The following CPA6 variants were observed in gnomAD, a reference collection of about 807,000 sequenced individuals.
CPA6 encodes carboxypeptidase B.
CPA6 carries 58 observed loss-of-function variants against 63.3 expected under a neutral mutation model. That is an observed-to-expected ratio of 0.92 (90% CI 0.74 to 1.14). CPA6 has a LOEUF of 1.14. CPA6 is among the 50% of genes most tolerant of loss of function. CPA6 has a pLI of 0.00. For missense variants in CPA6, 565 were observed against 526.6 expected (o/e 1.07, Z -0.71); for synonymous variants, 185 against 179.0 (o/e 1.03, Z -0.27).
chr8:67,725,798 C>T (rs929217855), intron 1 of CPA6, among the ~76,000 whole-genome samples: 1 of 152,174 alleles, frequency 6.6e-6, no homozygotes, highest in Non-Finnish European at 1.5e-5. Context: ...CCTGCCTCAG[C>T]CTCCCAAAGT....
At chr8:67,433,904 GAATT>G (rs1810083973) in intron 9 of CPA6, 130 bp downstream of exon 9, 6 of 652,658 alleles carry the variant, frequency 9.2e-6, no homozygotes, top group African/African-American at 7.3e-5. Flanking sequence ...AAGAATAAAT[GAATT>G]AATACATGTA....
At chr8:67,509,171 G>A (rs1365970696) in intron 5 of CPA6, among the ~76,000 whole-genome samples, 2 of 152,124 alleles carry the variant, frequency 1.3e-5, no homozygotes, top group South Asian at 2.1e-4. Context: ...CCACAACTTT[G>A]GAAATTACAA....
chr8:67,688,134 A>T (rs1816743513), intron 1 of CPA6, among the ~76,000 whole-genome samples: 1 of 152,144 alleles, frequency 6.6e-6, no homozygotes, highest in Non-Finnish European at 1.5e-5. Flanking sequence ...ACTGAACTTC[A>T]CTGAACTCCA....
chr8:67,556,492 GC>G (rs1813063960), intron 2 of CPA6, among the ~76,000 whole-genome samples: 1 of 152,136 alleles, frequency 6.6e-6, no homozygotes, highest in Non-Finnish European at 1.5e-5. Flanking sequence ...CAGGTACTTG[GC>G]CCCCAGCTCA....
chr8:67,746,014 C>A lies in CPA6; in HGVS notation c.116G>T (p.Gly39Val). The change falls in exon 1 of 11, where the codon GGT becomes GTT. Residue 39 changes from glycine to valine, a missense_variant and splice_region_variant. By Grantham distance (109) the Gly-to-Val change is moderately radical. Coordinates refer to ENST00000297770, the MANE Select transcript of CPA6 (RefSeq NM_020361.5). ...HSHLYNNRYA[G>V]DKVIRFIPKT... ...AGGGCATGAATGTCGCTCCACTTAC[C>A]CAGCATAGCGGTTGTTATAAAGGTG... 2 of 1,610,328 alleles carry A rather than the reference C, an allele frequency of 1.2e-6. No homozygotes were observed. The highest frequency in any genetic ancestry group is 1.7e-6 in the Non-Finnish European group (2 of 1,177,100).
chr8:67,649,699 T>C (rs1044345010), intron 1 of CPA6, among the ~76,000 whole-genome samples: 4 of 152,196 alleles, frequency 2.6e-5, no homozygotes, highest in Admixed American at 2.0e-4. Context: ...TTGTTCATTA[T>C]AAGCCATGGT....
intron 2 of CPA6, among the ~76,000 whole-genome samples, chr8:67,609,117 G>A (rs919770812): frequency 6.6e-6 from 1 of 152,184 alleles, no homozygotes; most frequent in African/African-American, 2.4e-5. Flanking sequence ...TCCCTTCTGT[G>A]AGGCTTGTAG....
chr8:67,661,911 G>A (rs1001564841), intron 1 of CPA6, among the ~76,000 whole-genome samples: 14 of 152,048 alleles, frequency 9.2e-5, no homozygotes, highest in African/African-American at 3.4e-4. Context: ...TGTCTTTAAG[G>A]TTCATCCATG....
intron 1 of CPA6, among the ~76,000 whole-genome samples, chr8:67,663,800 T>A (rs942134936): frequency 5.3e-5 from 8 of 152,168 alleles, no homozygotes; most frequent in African/African-American, 1.9e-4. Context: ...TGATTCCACA[T>A]CTTTGCTATT....
intron 1 of CPA6, among the ~76,000 whole-genome samples, chr8:67,665,290 A>G (rs1050572026): frequency 6.6e-6 from 1 of 152,212 alleles, no homozygotes; most frequent in Non-Finnish European, 1.5e-5. Flanking sequence ...TCTATATGCA[A>G]TAATGATCTT....
At chr8:67,583,094 G>T (rs1014380525) in intron 2 of CPA6, among the ~76,000 whole-genome samples, 1 of 150,912 alleles carries the variant, frequency 6.6e-6, no homozygotes, top group Non-Finnish European at 1.5e-5. Flanking sequence ...GAATAGTTTA[G>T]CACGATGAAG....
chr8:67,613,734 C>A (rs1814869111), intron 2 of CPA6, among the ~76,000 whole-genome samples: 1 of 152,184 alleles, frequency 6.6e-6, no homozygotes, highest in African/African-American at 2.4e-5. Flanking sequence ...AGCCTGTATA[C>A]CCATGGCCCT....
intron 6 of CPA6, among the ~76,000 whole-genome samples, chr8:67,505,896 G>A (rs1172127431): frequency 6.6e-6 from 1 of 152,050 alleles, no homozygotes; most frequent in Non-Finnish European, 1.5e-5. Flanking sequence ...TATCCTTTGT[G>A]TCTTTAATGG....
chr8:67,707,779 G>C (rs1817168257), intron 1 of CPA6, among the ~76,000 whole-genome samples: 1 of 152,084 alleles, frequency 6.6e-6, no homozygotes, highest in Non-Finnish European at 1.5e-5. Flanking sequence ...ATTGTGGCAT[G>C]TTCCTGTAGT....
chr8:67,425,953 A>G (rs2128950916), intron 10 of CPA6, among the ~76,000 whole-genome samples: 1 of 150,044 alleles, frequency 6.7e-6, no homozygotes, highest in East Asian at 2.0e-4. Context: ...CTGGAGTGCA[A>G]TGGCACCATC....
At chr8:67,464,137 A>G (rs1001763096) in intron 8 of CPA6, among the ~76,000 whole-genome samples, 2 of 152,198 alleles carry the variant, frequency 1.3e-5, no homozygotes, top group Non-Finnish European at 2.9e-5. Context: ...CCACCAGTGT[A>G]TTAGCATTCC....
At chr8:67,531,927 C>A (rs1324571025) in intron 2 of CPA6, among the ~76,000 whole-genome samples, 2 of 152,060 alleles carry the variant, frequency 1.3e-5, no homozygotes, top group African/African-American at 2.4e-5. Flanking sequence ...AAATTAAAAA[C>A]AGACTTTTAA....
chr8:67,507,132 T>C (rs1330635207), intron 5 of CPA6, among the ~76,000 whole-genome samples: 2 of 152,090 alleles, frequency 1.3e-5, no homozygotes, highest in Admixed American at 6.5e-5. Flanking sequence ...AATCCCTAAA[T>C]AGGTTGCTTC....
chr8:67,592,371 C>G (rs553449518), intron 2 of CPA6, among the ~76,000 whole-genome samples: 14 of 152,158 alleles, frequency 9.2e-5, no homozygotes, highest in East Asian at 1.9e-4. Flanking sequence ...GTCTCTGCCA[C>G]ACTTTGGTAT....
Sources: allele counts gnomAD v4.1 joint callset (sites outside exome capture counted in the v4.1 genomes callset), GRCh38; gene constraint gnomAD v4.1.1; transcripts MANE v1.5; gene names NCBI Gene and HGNC (gene_info 2026-07-23, HGNC 2026-07-21).